Variants in SPMIP4 observed in about 807,000 individuals in gnomAD.
SPMIP4 encodes sperm microtubule inner protein 4, also known as sperm-associated microtubule inner protein 4.
chr7:25,161,424 A>G, the SPMIP4 span, among the ~76,000 whole-genome samples: 1 of 151,966 alleles, frequency 6.6e-6, no homozygotes, highest in Admixed American at 6.6e-5. Flanking sequence ...ATAAATAGAG[A>G]CGAGGTCTTG....
At chr7:25,149,258 A>T in the SPMIP4 span, among the ~76,000 whole-genome samples, 1 of 151,872 alleles carries the variant, frequency 6.6e-6, no homozygotes, top group Non-Finnish European at 1.5e-5. Flanking sequence ...CTTTAATAGG[A>T]ATAGAACATT....
chr7:25,149,069 G>A, the SPMIP4 span, among the ~76,000 whole-genome samples: 2 of 152,218 alleles, frequency 1.3e-5, no homozygotes, highest in Non-Finnish European at 2.9e-5. Context: ...CTAGGTGATT[G>A]GCACAAGAGT....
chr7:25,126,013 T>C, the SPMIP4 span: 2 of 923,528 alleles, frequency 2.2e-6, no homozygotes, highest in Non-Finnish European at 2.6e-6. Flanking sequence ...AATGATAACA[T>C]TTATGTACCT....
chr7:25,143,520 A>T, the SPMIP4 span, among the ~76,000 whole-genome samples: 1 of 152,104 alleles, frequency 6.6e-6, no homozygotes, highest in African/African-American at 2.4e-5. Flanking sequence ...GAGATAAACC[A>T]TGAAACACAA....
chr7:25,167,024 A>ATG, the SPMIP4 span, among the ~76,000 whole-genome samples: 1 of 152,260 alleles, frequency 6.6e-6, no homozygotes, highest in Non-Finnish European at 1.5e-5. Context: ...ATCCTTAAGA[A>ATG]ACAAGTCTTT....
At chr7:25,154,393 A>C in the SPMIP4 span, among the ~76,000 whole-genome samples, 1 of 151,968 alleles carries the variant, frequency 6.6e-6, no homozygotes, top group Admixed American at 6.5e-5. Context: ...CTGTTTACGC[A>C]CATGTGTAGG....
At chr7:25,132,581 T>A in the SPMIP4 span, among the ~76,000 whole-genome samples, 1 of 152,276 alleles carries the variant, frequency 6.6e-6, no homozygotes, top group East Asian at 1.9e-4. The surrounding 1 kb of genome is among the most constrained non-coding windows in gnomAD (Gnocchi z 5.0). Context: ...ACCCCTTGAG[T>A]AGTACACATT....
chr7:25,141,743 ATC>A, the SPMIP4 span, among the ~76,000 whole-genome samples: 2 of 151,760 alleles, frequency 1.3e-5, no homozygotes, highest in East Asian at 3.9e-4. Context: ...AAGAAAAGAA[ATC>A]TCTTTTTTTT....
At chr7:25,136,553 T>C in the SPMIP4 span, 3 of 1,614,218 alleles carry the variant, frequency 1.9e-6, no homozygotes, top group Non-Finnish European at 2.5e-6. This position sits in a 1 kb window ranked among gnomAD's most constrained non-coding sequence, Gnocchi z 5.7. Flanking sequence ...TCTATGATCT[T>C]CTCTTCAATA....
At chr7:25,140,779 G>T in the SPMIP4 span, among the ~76,000 whole-genome samples, 2 of 150,896 alleles carry the variant, frequency 1.3e-5, no homozygotes, top group Admixed American at 6.6e-5. Context: ...GTAGAGACGG[G>T]TCTCACCATG....
chr7:25,139,095 T>G, the SPMIP4 span, among the ~76,000 whole-genome samples: 1 of 152,152 alleles, frequency 6.6e-6, no homozygotes, highest in Non-Finnish European at 1.5e-5. Context: ...AAAGGTGTGT[T>G]TGTTAAAACT....
At chr7:25,177,844 A>G in the SPMIP4 span, among the ~76,000 whole-genome samples, 1 of 152,100 alleles carries the variant, frequency 6.6e-6, no homozygotes, top group Admixed American at 6.6e-5. Flanking sequence ...GGACATATGC[A>G]GGTTCATTAT....
the SPMIP4 span, among the ~76,000 whole-genome samples, chr7:25,131,404 C>T: frequency 9.2e-5 from 14 of 152,186 alleles, no homozygotes; most frequent in South Asian, 4.1e-4. The surrounding 1 kb of genome is among the most constrained non-coding windows in gnomAD (Gnocchi z 4.2). Flanking sequence ...CCCCATGCCC[C>T]GGTCCATGGA....
the SPMIP4 span, among the ~76,000 whole-genome samples, chr7:25,156,669 GT>G: frequency 6.6e-6 from 1 of 152,074 alleles, no homozygotes; most frequent in Admixed American, 6.6e-5. Context: ...AGGAGTCAGG[GT>G]TTCTGGGAGT....
chr7:25,158,866 A>T, the SPMIP4 span, among the ~76,000 whole-genome samples: 52,550 of 131,870 alleles, frequency 0.4, 11,071 homozygotes, highest in Non-Finnish European at 0.5. Context: ...AAAAAAAAAA[A>T]AATAATAATA....
At chr7:25,178,307 C>A in the SPMIP4 span, among the ~76,000 whole-genome samples, 3 of 152,110 alleles carry the variant, frequency 2.0e-5, no homozygotes, top group Non-Finnish European at 2.9e-5. Context: ...AACTTATATT[C>A]CTTTGATAGA....
chr7:25,150,100 C>T, the SPMIP4 span, among the ~76,000 whole-genome samples: 1 of 152,094 alleles, frequency 6.6e-6, no homozygotes, highest in South Asian at 2.1e-4. Context: ...AGGCTGCAGG[C>T]TGGAGGTAAG....
At chr7:25,137,406 T>A in the SPMIP4 span, among the ~76,000 whole-genome samples, 1 of 151,916 alleles carries the variant, frequency 6.6e-6, no homozygotes, top group East Asian at 1.9e-4. Context: ...AATGCGAACC[T>A]CATGAAACAA....
At chr7:25,151,508 C>T in the SPMIP4 span, 2 of 804,170 alleles carry the variant, frequency 2.5e-6, no homozygotes, top group Non-Finnish European at 4.0e-6. Context: ...TGGGCATGTG[C>T]CACCATGTCA....
Sources: gnomAD v4.1 joint callset for allele counts (sites outside exome capture counted in the v4.1 genomes callset) on GRCh38, gnomAD v4.1.1 for gene constraint, Gnocchi (gnomAD v3.1) non-coding constraint, MANE v1.5 for transcripts, NCBI Gene and HGNC (gene_info 2026-07-23, HGNC 2026-07-21) for gene names.